Variants in TARS3 observed in about 807,000 individuals in gnomAD.
TARS3 encodes the protein threonine--tRNA ligase 2, cytoplasmic.
In TARS3, 94 loss-of-function variants were observed where a neutral mutation model predicts 103.5. That is an observed-to-expected ratio of 0.91 (90% CI 0.77 to 1.08). The LOEUF (loss-of-function observed/expected upper bound fraction) is 1.08. Among genes scored for constraint, TARS3 ranks in the 50% least tolerant of loss-of-function variants. The probability of loss-of-function intolerance (pLI) is 0.00; values close to 1 mark genes in which losing one functional copy is unlikely to be tolerated. For synonymous variants in TARS3, 416 were observed against 355.4 expected (o/e 1.17, Z -1.92); for missense variants, 952 against 995.2 (o/e 0.96, Z 0.58).
rs1008577017 is a variant in TARS3 at position 101,684,197 on chromosome 15, G to C, written c.1528C>G (p.Pro510Ala). The C allele has an allele frequency of 1.2e-6, 2 of 1,613,926 alleles. No individual in the cohort carries two copies. The highest frequency in any genetic ancestry group is 1.7e-6 in the Non-Finnish European group (2 of 1,179,912). ...AHRPRSWREM[P>A]IRFADFGVLH... Reference sequence around the variant, plus strand: ...ACTCCAAAATCAGCAAATCTAATAGGCATTTCCCTCCAAGATCGTGGACGA... The same window carrying C: ...ACTCCAAAATCAGCAAATCTAATAGCCATTTCCCTCCAAGATCGTGGACGA... Residue 510 changes from proline (P) to alanine (A), a missense_variant, in exon 12 of 19, where the codon CCT becomes GCT. Pro to Ala is a conservative substitution (Grantham distance 27, BLOSUM62 -1). This residue lies in a region of TARS3 where 540 missense variants were observed against 631.0 expected (regional missense o/e 0.86). Coordinates refer to ENST00000335968, the MANE Select transcript of TARS3 (RefSeq NM_152334.3).
rs113249082 is a variant in TARS3, at chr15:101,655,556, A to G, written c.2261-826T>C. ...AAATGAGAGCGGGGAGCTCTTACAG[A>G]CTCACAGTGACTCCACCTGGCACTA... On this transcript the variant is annotated intron_variant, in intron 18 of 18. Coordinates refer to ENST00000335968, the MANE Select transcript of TARS3 (RefSeq NM_152334.3). Among the ~76,000 whole-genome samples the G allele has an allele frequency of 8.1e-3, 364 of 45,200 alleles. 1 individual carries two copies. Among genetic ancestry groups the G allele is most frequent in the Middle Eastern group, 0.016 (1 of 64 alleles). 29.7% of individuals were successfully genotyped at this position (45,200 alleles called of 152,430 possible).
intron 10 of TARS3, among the ~76,000 whole-genome samples, chr15:101,697,625 G>A (rs1393983233): frequency 6.6e-6 from 1 of 152,124 alleles, no homozygotes; most frequent in East Asian, 1.9e-4. Flanking sequence ...GACTCACGAG[G>A]CTTCAGGACA....
chr15:101,700,273 C>G (rs2141427343), intron 10 of TARS3, among the ~76,000 whole-genome samples: 1 of 152,326 alleles, frequency 6.6e-6, no homozygotes, highest in East Asian at 1.9e-4. Flanking sequence ...CATGTAAATA[C>G]TAAAGACTTT....
chr15:101,655,927 G>A, intron 18 of TARS3: 2 of 1,289,260 alleles, frequency 1.6e-6, no homozygotes, highest in Non-Finnish European at 2.0e-6. Context: ...TCTGGAATGT[G>A]GGTAAAAAGT....
At chr15:101,693,335 G>T (rs1898813674) in intron 10 of TARS3, among the ~76,000 whole-genome samples, 1 of 152,074 alleles carries the variant, frequency 6.6e-6, no homozygotes, top group Non-Finnish European at 1.5e-5. Flanking sequence ...AGCAGGCAAG[G>T]GACTTTGTGC....
intron 6 of TARS3, among the ~76,000 whole-genome samples, chr15:101,707,021 A>T (rs1899600345): frequency 6.6e-6 from 1 of 152,378 alleles, no homozygotes; most frequent in African/African-American, 2.4e-5. Flanking sequence ...AGCTCAACAG[A>T]CATTTCTCCA....
rs1249376000 is a variant in TARS3, at chr15:101,661,759, T to C, written c.2025A>G (p.Ser675=). The C allele has an allele frequency of 6.2e-7, 1 of 1,608,372 alleles. No individual in the cohort carries two copies. The highest frequency in any genetic ancestry group is 8.5e-7 in the Non-Finnish European group (1 of 1,176,928). The change falls in exon 16 of 19, where the codon TCA becomes TCG. Residue 675 remains serine (S), a synonymous_variant. Coordinates refer to ENST00000335968, the MANE Select transcript of TARS3 (RefSeq NM_152334.3). ...PVIIHRAILG[S]VERMIAILSE... ...AAAGAATGGCTATCATTCTTTCCAC[T>C]GATCCCAAAATGGCTCGATGAATGA...
intron 6 of TARS3, among the ~76,000 whole-genome samples, chr15:101,706,247 C>T (rs1899554869): frequency 6.6e-6 from 1 of 152,160 alleles, no homozygotes; most frequent in African/African-American, 2.4e-5. Flanking sequence ...CTTGGCCTCC[C>T]AAAGTACTGG....
At chr15:101,702,743 C>G (rs1472509659) in intron 8 of TARS3, among the ~76,000 whole-genome samples, 1 of 152,208 alleles carries the variant, frequency 6.6e-6, no homozygotes, top group Non-Finnish European at 1.5e-5. Context: ...GCACTCCAAC[C>G]TGGGTGACAA....
chr15:101,711,648 T>C (rs990309709), intron 5 of TARS3, among the ~76,000 whole-genome samples: 11 of 152,358 alleles, frequency 7.2e-5, no homozygotes, highest in Admixed American at 6.5e-4. Flanking sequence ...ACAAACTATG[T>C]GATACTCAAC....
intron 15 of TARS3, among the ~76,000 whole-genome samples, chr15:101,665,869 C>A (rs621667): frequency 0.7 from 107,030 of 152,036 alleles, 38,440 homozygotes; most frequent in Non-Finnish European, 0.75. Context: ...AAATTTAATA[C>A]AAAGTAAAAG....
At chr15:101,681,683 A>G (rs925019778) in intron 12 of TARS3, among the ~76,000 whole-genome samples, 3 of 152,222 alleles carry the variant, frequency 2.0e-5, no homozygotes, top group Non-Finnish European at 4.4e-5. Flanking sequence ...CACACGGCAG[A>G]GAGAATCAGA....
chr15:101,679,642 T>C (rs1263544936), intron 12 of TARS3, among the ~76,000 whole-genome samples: 3 of 152,242 alleles, frequency 2.0e-5, no homozygotes, highest in Non-Finnish European at 4.4e-5. Flanking sequence ...ATAGATTGTC[T>C]TTTTAAATTC....
chr15:101,698,963 A>G (rs1176914653), intron 10 of TARS3, among the ~76,000 whole-genome samples: 22 of 152,220 alleles, frequency 1.4e-4, no homozygotes, highest in Admixed American at 1.4e-3. Flanking sequence ...ACAGGAATCA[A>G]AAGTTGAATC....
In TARS3 at chr15:101,655,957, A is replaced by G. The variant is rs141598190; in HGVS notation, c.2260+965T>C. On this transcript the variant is annotated intron_variant, in intron 18 of 18. Coordinates refer to ENST00000335968, the MANE Select transcript of TARS3 (RefSeq NM_152334.3). ...AAAAGTTTGTTCTCTCTAGTGACCC[A>G]TATTGTGAGATGATGCAGGAATCTA... 22 of 1,289,240 alleles carry G rather than the reference A, an allele frequency of 1.7e-5. No individual in the cohort carries two copies. The East Asian group carries it at 1.0e-3, about 58-fold the overall frequency. 79.9% of individuals were successfully genotyped at this position (1,289,240 alleles called of 1,614,324 possible). A position where few individuals can be genotyped will look rare whatever the true frequency, so the allele number is the denominator to read the frequency against.
In TARS3 at chr15:101,686,055, T is replaced by C. The variant is rs1898463272; in HGVS notation, c.1328A>G (p.Tyr443Cys). 6.2e-7 allele frequency: 1 copy of C among 1,605,124 alleles called. No individual in the cohort carries two copies. The highest frequency in any genetic ancestry group is 8.5e-7 in the Non-Finnish European group (1 of 1,174,280). ...CACCTCCGTGAAGTCCCGTTTGTGATATTCCTCCTTCAAGATACATGCATT... is the reference window on the plus strand; with the variant it reads ...CACCTCCGTGAAGTCCCGTTTGTGACATTCCTCCTTCAAGATACATGCATT... The part of the protein sequence containing the change: ...NTLTDFIREE[Y>C]HKRDFTEVLS... The change falls in exon 11 of 19, where the codon TAT becomes TGT. Residue 443 changes from tyrosine (Y) to cysteine (C), a missense_variant. Physicochemically the swap from Tyr to Cys is radical, Grantham distance 194. Around this residue, in one of 2 missense-constraint regions of TARS3, gnomAD observed 540 missense variants for 631.0 expected, o/e 0.86. Transcript: ENST00000335968.
intron 7 of TARS3, among the ~76,000 whole-genome samples, chr15:101,704,876 C>T (rs1232629239): frequency 4.7e-5 from 7 of 148,640 alleles, no homozygotes; most frequent in Admixed American, 3.4e-4. Context: ...AGAAATGCAC[C>T]GTGCATAGCT....
intron 10 of TARS3, among the ~76,000 whole-genome samples, chr15:101,690,273 G>A (rs907300016): frequency 6.6e-6 from 1 of 152,106 alleles, no homozygotes; most frequent in East Asian, 1.9e-4. Flanking sequence ...TGTGGGCTCC[G>A]CACAAGGCTT....
At chr15:101,658,351 C>G (rs1011997950) in intron 16 of TARS3, among the ~76,000 whole-genome samples, 1 of 145,054 alleles carries the variant, frequency 6.9e-6, no homozygotes, top group African/African-American at 2.5e-5. Flanking sequence ...TAATTTATCT[C>G]GAAACAAAAC....
Sources: allele counts gnomAD v4.1 joint callset (sites outside exome capture counted in the v4.1 genomes callset), GRCh38; gene constraint gnomAD v4.1.1; regional missense constraint gnomAD v4.1.1; transcripts MANE v1.5; gene names NCBI Gene and HGNC (gene_info 2026-07-23, HGNC 2026-07-21).